COL26A1: variants seen among roughly 807,000 people sequenced by gnomAD.
COL26A1 encodes the protein collagen type XXVI alpha 1 chain.
A neutral mutation model predicts 59.3 loss-of-function variants in COL26A1; 41 were observed. That is an observed-to-expected ratio of 0.69 (90% CI 0.54 to 0.90). COL26A1 has a LOEUF of 0.90. Among genes scored for constraint, COL26A1 ranks in the 40% least tolerant of loss-of-function variants. COL26A1 has a pLI of 0.00. For synonymous variants in COL26A1, 266 were observed against 256.0 expected (o/e 1.04, Z -0.37); for missense variants, 612 against 602.3 (o/e 1.02, Z -0.17).
intron 3 of COL26A1, among the ~76,000 whole-genome samples, chr7:101,514,248 G>C (rs1200270896): frequency 6.6e-6 from 1 of 152,052 alleles, no homozygotes; most frequent in African/African-American, 2.4e-5. Flanking sequence ...TGAGGCAGGA[G>C]AATTGCTTGA....
At chr7:101,434,677 T>G (rs543189275) in intron 2 of COL26A1, among the ~76,000 whole-genome samples, 1 of 152,090 alleles carries the variant, frequency 6.6e-6, no homozygotes, top group Non-Finnish European at 1.5e-5. Flanking sequence ...GGGGACAGGG[T>G]GCGAGGCAGG....
rs148609655 is a variant in COL26A1, at chr7:101,402,125, T to C, written c.159-17852T>C. Among the ~76,000 whole-genome samples the C allele has an allele frequency of 2.1e-3, 320 of 152,256 alleles. 1 individual carries two copies. The highest frequency in any genetic ancestry group is 5.0e-3 in the South Asian group (24 of 4,818). Reference sequence around the variant, plus strand: ...TTTCTCAGAGATGCCAAGACAGCAGTGTGTGGCGGGGGTGCCACCGGCTGC... The same window carrying C: ...TTTCTCAGAGATGCCAAGACAGCAGCGTGTGGCGGGGGTGCCACCGGCTGC... On this transcript the variant is annotated intron_variant, in intron 1 of 12. Transcript: ENST00000313669.
intron 3 of COL26A1, among the ~76,000 whole-genome samples, chr7:101,471,577 T>G (rs1283730370): frequency 1.7e-3 from 152 of 89,118 alleles, no homozygotes; most frequent in African/African-American, 5.6e-3. Flanking sequence ...GTTTGTTTTT[T>G]TTTTTTTTTT....
chr7:101,362,750 C>CT, upstream of COL26A1: 5 of 486,304 alleles, frequency 1.0e-5, no homozygotes, highest in Non-Finnish European at 1.8e-5. Flanking sequence ...CACCCTAGCT[C>CT]TGCCGCCACT....
intron 3 of COL26A1, among the ~76,000 whole-genome samples, chr7:101,514,616 C>T (rs568983821): frequency 6.6e-6 from 1 of 152,146 alleles, no homozygotes; most frequent in Non-Finnish European, 1.5e-5. Context: ...TTACCCCAGG[C>T]TCTGGGGGTG....
At chr7:101,488,238 G>A (rs1339757358) in intron 3 of COL26A1, among the ~76,000 whole-genome samples, 4 of 148,894 alleles carry the variant, frequency 2.7e-5, no homozygotes, top group South Asian at 2.2e-4. Context: ...CTAAGATCGC[G>A]CCACTACACT....
chr7:101,474,991 G>A (rs149530747), intron 3 of COL26A1, among the ~76,000 whole-genome samples: 260 of 152,254 alleles, frequency 1.7e-3, no homozygotes, highest in African/African-American at 5.8e-3. Flanking sequence ...TTAGGAGTTC[G>A]AGACCAGCCT....
At chr7:101,462,214 G>A (rs1227547010) in intron 3 of COL26A1, among the ~76,000 whole-genome samples, 1 of 152,012 alleles carries the variant, frequency 6.6e-6, no homozygotes, top group African/African-American at 2.4e-5. Flanking sequence ...TGGCCTGGCT[G>A]GTCTCACACC....
At chr7:101,484,190 C>A (rs955706926) in intron 3 of COL26A1, among the ~76,000 whole-genome samples, 2 of 152,060 alleles carry the variant, frequency 1.3e-5, no homozygotes, top group Non-Finnish European at 2.9e-5. Context: ...AGCATTCACA[C>A]TGTGCCTGGT....
At chr7:101,417,069 C>G (rs1049454749) in intron 1 of COL26A1, among the ~76,000 whole-genome samples, 1 of 152,118 alleles carries the variant, frequency 6.6e-6, no homozygotes, top group African/African-American at 2.4e-5. Flanking sequence ...GATACATTGT[C>G]TTATTTCTTT....
At position 101,406,007 on chromosome 7, in the gene COL26A1, C is replaced by T. The variant is rs1166624612; in HGVS notation, c.159-13970C>T. On this transcript the variant is annotated intron_variant, in intron 1 of 12. Transcript: ENST00000313669. ...AGAGGCTGGTGGCACGGCCGTGCTC[C>T]GTGGAGTAGGTCGTGCACTCCCGGA... Among the ~76,000 whole-genome samples the T allele has an allele frequency of 1.1e-4, 16 of 152,278 alleles. No homozygotes were observed. In the South Asian group the frequency reaches 2.7e-3, roughly 26 times the overall value.
intron 1 of COL26A1, among the ~76,000 whole-genome samples, chr7:101,386,593 C>T (rs529223120): frequency 2.0e-5 from 3 of 152,048 alleles, no homozygotes; most frequent in Admixed American, 6.6e-5. Flanking sequence ...ATGTCTGTCA[C>T]GACAGGTAAT....
At chr7:101,417,382 T>TC (rs1255173684) in intron 1 of COL26A1, among the ~76,000 whole-genome samples, 1 of 151,412 alleles carries the variant, frequency 6.6e-6, no homozygotes, top group Non-Finnish European at 1.5e-5. Context: ...AAGCTTTTTT[T>TC]TTTTTTTCTT....
chr7:101,489,807 T>C (rs933402243), intron 3 of COL26A1, among the ~76,000 whole-genome samples: 77 of 2,522 alleles, frequency 0.031, 3 homozygotes, highest in Non-Finnish European at 0.044. Context: ...TCTTTCTTTC[T>C]TTCTTTCTTT....
chr7:101,525,689 G>A (rs1040068634), intron 3 of COL26A1, among the ~76,000 whole-genome samples: 8 of 151,212 alleles, frequency 5.3e-5, no homozygotes, highest in Non-Finnish European at 1.0e-4. Context: ...GTAGAGACGG[G>A]GTTTCACTGT....
intron 2 of COL26A1, among the ~76,000 whole-genome samples, chr7:101,430,522 C>T: frequency 6.7e-6 from 1 of 150,238 alleles, no homozygotes; most frequent in Non-Finnish European, 1.5e-5. Context: ...AACTCTTGAC[C>T]TCATGATCTG....
chr7:101,528,777 G>A (rs1356488207), intron 3 of COL26A1, among the ~76,000 whole-genome samples: 4 of 151,966 alleles, frequency 2.6e-5, no homozygotes, highest in South Asian at 2.1e-4. Context: ...TCAAACTCCC[G>A]GGCTCAAGCG....
intron 3 of COL26A1, among the ~76,000 whole-genome samples, chr7:101,524,188 T>C (rs1795193554): frequency 6.6e-6 from 1 of 151,868 alleles, no homozygotes; most frequent in Non-Finnish European, 1.5e-5. Flanking sequence ...CTAGAGTTGC[T>C]TGAACCCAGG....
Position 101,405,864 on chromosome 7 carries a change from C to T in COL26A1, c.159-14113C>T, listed in dbSNP as rs570796892. Among the ~76,000 whole-genome samples the T allele has an allele frequency of 4.6e-5, 7 of 152,342 alleles. No individual in the cohort carries two copies. In the South Asian group the frequency reaches 8.3e-4, roughly 18 times the overall value. ...GCCCCGCCAGCCCTTCCCGCCAGTG[C>T]GCAGGCAAGGAGCCGATGCTGCCTG... On this transcript the variant is annotated intron_variant, in intron 1 of 12. Coordinates refer to ENST00000313669, the MANE Select transcript of COL26A1 (RefSeq NM_001278563.3).
Sources: allele counts gnomAD v4.1 joint callset (sites outside exome capture counted in the v4.1 genomes callset), GRCh38; gene constraint gnomAD v4.1.1; transcripts MANE v1.5; gene names NCBI Gene and HGNC (gene_info 2026-07-23, HGNC 2026-07-21).